ADAM11: variants seen among roughly 807,000 people sequenced by gnomAD.
ADAM11 encodes the protein disintegrin and metalloproteinase domain-containing protein 11.
Under a neutral mutation model 119.1 loss-of-function variants are expected in ADAM11, and 49 were observed. The observed-to-expected ratio is 0.41, with a 90% CI of 0.33 to 0.52. The LOEUF (loss-of-function observed/expected upper bound fraction) is 0.52. ADAM11 is among the 20% of genes least tolerant of loss of function. ADAM11 has a pLI of 0.20. For synonymous variants in ADAM11, 364 were observed against 408.0 expected (o/e 0.89, Z 1.30); for missense variants, 777 against 1,047.5 (o/e 0.74, Z 3.56).
intron 1 of ADAM11, 145 bp from the exon 2 acceptor site, chr17:44,759,577 T>C: frequency 7.7e-7 from 1 of 1,291,042 alleles, no homozygotes; most frequent in Non-Finnish European, 9.8e-7. Flanking sequence ...CTCTTGCCTC[T>C]GCAGGGCAGC....
At position 44,776,057 on chromosome 17, in the gene ADAM11, C is replaced by T; in HGVS notation, c.1486-70C>T. 1 of 1,562,052 alleles carries T rather than the reference C, an allele frequency of 6.4e-7. No individual in the cohort carries two copies. The stretch of plus-strand genomic sequence containing the variant: ...CCCGGGGATGTGGGGGTCCAGAGAG[C>T]GAGGGGCCTGGGGAGGGCAGGGCCG... On this transcript the variant is annotated intron_variant, in intron 17 of 26. Coordinates refer to ENST00000200557, the MANE Select transcript of ADAM11 (RefSeq NM_002390.6). This position sits in a 1 kb window ranked among gnomAD's most constrained non-coding sequence, Gnocchi z 5.2.
chr17:44,759,020 C>T lies in ADAM11; in HGVS notation c.-180C>T, dbSNP rs866870166. 106 of 167,110 alleles carry T rather than the reference C, an allele frequency of 6.3e-4. No individual in the cohort carries two copies. The highest frequency in any genetic ancestry group is 1.9e-3 in the Admixed American group (30 of 15,428). 10.4% of individuals were successfully genotyped at this position (167,110 alleles called of 1,614,324 possible). On this transcript the variant is annotated 5_prime_UTR_variant, in exon 1 of 27. Coordinates refer to ENST00000200557, the MANE Select transcript of ADAM11 (RefSeq NM_002390.6). ...CCCCGCCGCCCCGCCGGGATGGCCG[C>T]GGCCGGAGCGCGCTGAGCCCCGGCG...
At chr17:44,779,464 C>T (rs1039034309) in intron 26 of ADAM11, 5 of 985,308 alleles carry the variant, frequency 5.1e-6, no homozygotes, top group East Asian at 1.1e-4. Context: ...ACGTCCTTCT[C>T]GACTGCCCTG....
At chr17:44,769,882 G>A (rs754675469) in intron 3 of ADAM11, 88 bp downstream of exon 3, 3 of 1,602,768 alleles carry the variant, frequency 1.9e-6, no homozygotes, top group Non-Finnish European at 2.6e-6. Context: ...TCTGGGGGTT[G>A]GGCCTGGGCA....
At chr17:44,769,616 T>G in intron 2 of ADAM11, 102 bp from the exon 3 acceptor site, 1 of 782,554 alleles carries the variant, frequency 1.3e-6, no homozygotes, top group Non-Finnish European at 2.2e-6. Flanking sequence ...CTGCTAGGGC[T>G]GGCCACCCCT....
In ADAM11 at chr17:44,765,610, CTTT is replaced by C. The variant is rs748123040; in HGVS notation, c.238-4087_238-4085del. ...AATCCTGGTTTTTCTTTTCTTTTCT[CTTT>C]TTTTTTTTTTTTTTTTTTTTGTAGA... On this transcript the variant is annotated intron_variant, in intron 2 of 26. Transcript: ENST00000200557. Among the ~76,000 whole-genome samples, 60 of 99,866 alleles carry C rather than the reference CTTT, an allele frequency of 6.0e-4. No homozygotes were observed. In the South Asian group the frequency reaches 6.3e-3, roughly 10 times the overall value. 65.5% of individuals were successfully genotyped at this position (99,866 alleles called of 152,430 possible).
Position 44,776,054 on chromosome 17 carries a change from G to A in ADAM11, c.1486-73G>A. On this transcript the variant is annotated intron_variant, in intron 17 of 26. Coordinates refer to ENST00000200557, the MANE Select transcript of ADAM11 (RefSeq NM_002390.6). This position sits in a 1 kb window ranked among gnomAD's most constrained non-coding sequence, Gnocchi z 5.2. The stretch of plus-strand genomic sequence containing the variant: ...GGGCCCGGGGATGTGGGGGTCCAGA[G>A]AGCGAGGGGCCTGGGGAGGGCAGGG... The A allele has an allele frequency of 6.4e-7, 1 of 1,563,796 alleles. No homozygotes were observed. The highest frequency in any genetic ancestry group is 8.8e-7 in the Non-Finnish European group (1 of 1,139,668).
Position 44,775,757 on chromosome 17 carries a change from G to A in ADAM11, c.1485+81G>A, listed in dbSNP as rs930301616. ...CTTCATATAAGGGGTGGGAGCTAGG[G>A]AGGGAAGCGGAGCCTTCGGGGACGA... is the stretch of plus-strand genomic sequence containing the variant. On this transcript the variant is annotated intron_variant, in intron 17 of 26. Transcript: ENST00000200557. The surrounding 1 kb of genome is among the most constrained non-coding windows in gnomAD (Gnocchi z 7.5). 72 of 1,389,584 alleles carry A rather than the reference G, an allele frequency of 5.2e-5. No individual in the cohort carries two copies. Among genetic ancestry groups the A allele is most frequent in the Non-Finnish European group, 6.4e-5 (66 of 1,030,742 alleles). The allele number at this position is 1,389,584 out of a possible 1,614,324, so 86.1% of individuals were successfully genotyped here. A position where few individuals can be genotyped will look rare whatever the true frequency, so the allele number is the denominator to read the frequency against.
chr17:44,773,123 T>C lies in ADAM11; in HGVS notation c.825+38T>C, dbSNP rs377086702. ...CCCTCCCTCCCTTCCCTCCTCCTCATGCCCCCCACCCCACCACACACATTA... is the reference window on the plus strand; with the variant it reads ...CCCTCCCTCCCTTCCCTCCTCCTCACGCCCCCCACCCCACCACACACATTA... On this transcript the variant is annotated intron_variant, in intron 10 of 26. Transcript: ENST00000200557. This position sits in a 1 kb window ranked among gnomAD's most constrained non-coding sequence, Gnocchi z 4.6. The C allele has an allele frequency of 2.8e-4, 353 of 1,247,920 alleles. No individual in the cohort carries two copies. Among genetic ancestry groups the C allele is most frequent in the Non-Finnish European group, 3.7e-4 (334 of 912,886 alleles). The allele number at this position is 1,247,920 out of a possible 1,614,324, so 77.3% of individuals were successfully genotyped here.
chr17:44,769,715 C>T lies in ADAM11; in HGVS notation c.238-3C>T, dbSNP rs2049494024. 1.2e-6 allele frequency: 2 copies of T among 1,610,168 alleles called. No homozygotes were observed. Among genetic ancestry groups the T allele is most frequent in the Non-Finnish European group, 1.7e-6 (2 of 1,176,504 alleles). ...ACTCCCCCTCTGCCCTCCCCCCACCCAGCCTGTCCATCTGGCCCAGGTGAG... is the reference window on the plus strand; with the variant it reads ...ACTCCCCCTCTGCCCTCCCCCCACCTAGCCTGTCCATCTGGCCCAGGTGAG... On this transcript the variant is annotated splice_region_variant and splice_polypyrimidine_tract_variant and intron_variant, in intron 2 of 26. Transcript: ENST00000200557.
Position 44,776,216 on chromosome 17 carries a change from G to A in ADAM11, c.1566+9G>A, listed in dbSNP as rs368818880. The A allele has an allele frequency of 4.0e-5, 64 of 1,613,074 alleles. No individual in the cohort carries two copies. The highest frequency in any genetic ancestry group is 1.6e-4 in the Middle Eastern group (1 of 6,080). ...CCGGGGACTCTAGCCAGGTCCGCCC[G>A]GCCCCGCCGTCTTGTGGAGCCCTGG... On this transcript the variant is annotated intron_variant, in intron 18 of 26. Coordinates refer to ENST00000200557, the MANE Select transcript of ADAM11 (RefSeq NM_002390.6). This position sits in a 1 kb window ranked among gnomAD's most constrained non-coding sequence, Gnocchi z 5.2.
rs1178497874 is a variant in ADAM11, at chr17:44,775,676, G to C, written c.1485G>C (p.Lys495Asn). 2 of 1,580,600 alleles carry C rather than the reference G, an allele frequency of 1.3e-6. No individual in the cohort carries two copies. Among genetic ancestry groups the C allele is most frequent in the South Asian group, 2.3e-5 (2 of 87,890 alleles). ...ACGGGCTCTGCTGTCGCCGCTGCAA[G>C]GTAAGCAGGACCGGCCGGGAGGCGG... ...CSDGLCCRRC[K>N]YEPRGVSCRE... The change falls in exon 17 of 27, where the codon AAG (lysine) becomes AAC (asparagine). Residue 495 changes from lysine to asparagine, a missense_variant and splice_region_variant. Around this residue, in one of 4 missense-constraint regions of ADAM11, gnomAD observed 348 missense variants for 486.7 expected, o/e 0.72. Coordinates refer to ENST00000200557, the MANE Select transcript of ADAM11 (RefSeq NM_002390.6). This position sits in a 1 kb window ranked among gnomAD's most constrained non-coding sequence, Gnocchi z 7.5.
intron 4 of ADAM11, among the ~76,000 whole-genome samples, chr17:44,770,454 C>G (rs1242946579): frequency 6.6e-6 from 1 of 150,986 alleles, no homozygotes; most frequent in African/African-American, 2.5e-5. Context: ...GCTCTAGAGC[C>G]TGAAAATGAA....
chr17:44,765,684 G>A (rs1338304667), intron 2 of ADAM11, among the ~76,000 whole-genome samples: 4 of 131,866 alleles, frequency 3.0e-5, no homozygotes, highest in Non-Finnish European at 1.5e-5. Flanking sequence ...GCAGTGGCAC[G>A]ATCTTGGCTC....
intron 25 of ADAM11, among the ~76,000 whole-genome samples, chr17:44,778,838 T>C (rs1259330931): frequency 1.3e-5 from 2 of 151,534 alleles, no homozygotes; most frequent in Admixed American, 1.3e-4. Context: ...CATCCCCAAA[T>C]AGCCACAGAG....
chr17:44,769,664 T>A, intron 2 of ADAM11, 54 bp from the exon 3 acceptor site: 1 of 1,269,220 alleles, frequency 7.9e-7, no homozygotes, highest in Non-Finnish European at 1.1e-6. Flanking sequence ...TCCCCCCGAC[T>A]CCCACCTTCA....
Position 44,780,211 on chromosome 17 carries a change from A to T in ADAM11, c.*457A>T. The T allele has an allele frequency of 2.2e-6, 1 of 457,472 alleles. No individual in the cohort carries two copies. Among genetic ancestry groups the T allele is most frequent in the Non-Finnish European group, 4.3e-6 (1 of 233,662 alleles). The allele number at this position is 457,472 out of a possible 1,614,324, so 28.3% of individuals were successfully genotyped here. ...ATTTTTTAAAACTGAATCTTAATCG[A>T]TGAATGTAAACTCGGGGGTGCTGGG... On this transcript the variant is annotated 3_prime_UTR_variant, in exon 27 of 27. Coordinates refer to ENST00000200557, the MANE Select transcript of ADAM11 (RefSeq NM_002390.6).
intron 2 of ADAM11, among the ~76,000 whole-genome samples, chr17:44,760,943 C>T (rs1020242384): frequency 2.8e-5 from 4 of 144,558 alleles, no homozygotes; most frequent in African/African-American, 1.0e-4. Context: ...AGGAAGGGAG[C>T]ATGCATAATA....
rs1229747274 is a variant in ADAM11 at position 44,759,755 on chromosome 17, G to A, written c.95G>A (p.Arg32Gln). ...ACCCAAGGTCCTGCTGGAGCTCTGC[G>A]ATGGGGGGGCTTACCCCAGCTGGGA... ...LGTQGPAGAL[R>Q]WGGLPQLGGP... The change falls in exon 2 of 27, where the codon CGA becomes CAA. Residue 32 changes from arginine (R) to glutamine (Q), a missense_variant. By Grantham distance (43) the Arg-to-Gln change is conservative. Coordinates refer to ENST00000200557, the MANE Select transcript of ADAM11 (RefSeq NM_002390.6). 2 of 1,325,702 alleles carry A rather than the reference G, an allele frequency of 1.5e-6. No individual in the cohort carries two copies. The highest frequency in any genetic ancestry group is 2.8e-5 in the East Asian group (1 of 35,884). The allele number at this position is 1,325,702 out of a possible 1,614,324, so 82.1% of individuals were successfully genotyped here.
Sources: allele counts gnomAD v4.1 joint callset (sites outside exome capture counted in the v4.1 genomes callset), GRCh38; gene constraint gnomAD v4.1.1; regional missense constraint gnomAD v4.1.1; non-coding constraint Gnocchi (gnomAD v3.1); transcripts MANE v1.5; gene names NCBI Gene and HGNC (gene_info 2026-07-23, HGNC 2026-07-21).